CSTPP1: variants seen among roughly 807,000 people sequenced by gnomAD.
The protein encoded by CSTPP1 is centriolar satellite-associated tubulin polyglutamylase complex regulator 1.
the CSTPP1 span, among the ~76,000 whole-genome samples, chr11:47,145,075 C>T: frequency 6.6e-6 from 1 of 150,540 alleles, no homozygotes. Context: ...GCAACCTCCG[C>T]CTCCCAGGTT....
the CSTPP1 span, among the ~76,000 whole-genome samples, chr11:47,026,908 C>T: frequency 1.3e-5 from 2 of 152,058 alleles, no homozygotes; most frequent in Admixed American, 1.3e-4. Context: ...AATGAAGTAG[C>T]TAAAATTATC....
the CSTPP1 span, among the ~76,000 whole-genome samples, chr11:47,070,524 C>A: frequency 1.4e-3 from 219 of 152,274 alleles, 2 homozygotes; most frequent in Middle Eastern, 0.01. Flanking sequence ...ACAAGCATTT[C>A]AGGTGATTCT....
the CSTPP1 span, among the ~76,000 whole-genome samples, chr11:46,978,624 G>T: frequency 6.6e-6 from 1 of 152,146 alleles, no homozygotes; most frequent in East Asian, 1.9e-4. Flanking sequence ...AGGCCTTTTT[G>T]TATCTATAAA....
the CSTPP1 span, among the ~76,000 whole-genome samples, chr11:47,135,042 G>A: frequency 6.6e-5 from 10 of 151,954 alleles, no homozygotes; most frequent in African/African-American, 2.2e-4. Context: ...TCAGGAGTTC[G>A]AGACTGCAGT....
At chr11:47,151,926 G>A in the CSTPP1 span, among the ~76,000 whole-genome samples, 2 of 151,942 alleles carry the variant, frequency 1.3e-5, no homozygotes, top group Non-Finnish European at 2.9e-5. Context: ...AGACCCACCC[G>A]TAGGACTGTT....
At chr11:47,014,481 G>A in the CSTPP1 span, among the ~76,000 whole-genome samples, 1 of 151,810 alleles carries the variant, frequency 6.6e-6, no homozygotes, top group African/African-American at 2.4e-5. Context: ...GTGGATCACC[G>A]ATCACCTAAG....
At chr11:46,987,127 A>G in the CSTPP1 span, 5 of 1,376,938 alleles carry the variant, frequency 3.6e-6, no homozygotes, top group Non-Finnish European at 4.1e-6. Flanking sequence ...TGCCTTACAC[A>G]TGACCTCCTA....
the CSTPP1 span, among the ~76,000 whole-genome samples, chr11:47,000,976 C>T: frequency 2.6e-5 from 4 of 152,240 alleles, no homozygotes; most frequent in Middle Eastern, 3.4e-3. Context: ...TAGCTGGTAA[C>T]TGTAACAAGA....
chr11:47,159,381 G>A, the CSTPP1 span, among the ~76,000 whole-genome samples: 5 of 152,054 alleles, frequency 3.3e-5, no homozygotes, highest in Admixed American at 6.5e-5. Context: ...ATAGTGGCCC[G>A]CACCTGTAAT....
chr11:47,134,382 G>A, the CSTPP1 span, among the ~76,000 whole-genome samples: 1 of 152,162 alleles, frequency 6.6e-6, no homozygotes, highest in South Asian at 2.1e-4. Context: ...GTAAAGATGG[G>A]TTTTTGCCAC....
the CSTPP1 span, chr11:47,161,908 C>T: frequency 4.8e-6 from 6 of 1,237,840 alleles, no homozygotes; most frequent in Non-Finnish European, 6.1e-6. Flanking sequence ...CCTTGTCACG[C>T]CGTAGCCTGT....
At chr11:47,113,131 G>A in the CSTPP1 span, among the ~76,000 whole-genome samples, 2 of 152,134 alleles carry the variant, frequency 1.3e-5, no homozygotes, top group African/African-American at 2.4e-5. Context: ...GAGAATGATG[G>A]TTTCTAGCTT....
the CSTPP1 span, among the ~76,000 whole-genome samples, chr11:47,092,133 G>A: frequency 6.6e-6 from 1 of 152,158 alleles, no homozygotes; most frequent in African/African-American, 2.4e-5. Context: ...CAACTGTAGA[G>A]TGTGTAAATA....
chr11:47,051,940 C>T, the CSTPP1 span: 1 of 152,406 alleles, frequency 6.6e-6, no homozygotes. Flanking sequence ...GATCCACCCG[C>T]CTTGGCCTCC....
the CSTPP1 span, among the ~76,000 whole-genome samples, chr11:47,021,739 A>G: frequency 3.3e-5 from 5 of 152,204 alleles, no homozygotes; most frequent in African/African-American, 1.2e-4. Flanking sequence ...CTAGAATAAA[A>G]GAGATCTGGG....
chr11:46,987,080 C>T, the CSTPP1 span: 4 of 811,290 alleles, frequency 4.9e-6, no homozygotes, highest in South Asian at 3.1e-5. Flanking sequence ...TTCCAGTCCA[C>T]TGATGAAGTG....
chr11:47,148,381 C>T, the CSTPP1 span, among the ~76,000 whole-genome samples: 1 of 151,988 alleles, frequency 6.6e-6, no homozygotes, highest in Non-Finnish European at 1.5e-5. Flanking sequence ...CCATGACTGA[C>T]ACCTTGACTT....
chr11:47,045,627 T>A, the CSTPP1 span, among the ~76,000 whole-genome samples: 1 of 152,156 alleles, frequency 6.6e-6, no homozygotes, highest in Non-Finnish European at 1.5e-5. Context: ...ATGGATCTTA[T>A]TAAAGGATTA....
the CSTPP1 span, among the ~76,000 whole-genome samples, chr11:46,965,454 A>C: frequency 2.4e-3 from 367 of 152,138 alleles, 1 homozygote; most frequent in African/African-American, 8.1e-3. Context: ...TGAACTCCTG[A>C]CCTAAAGTGA....
Sources: gnomAD v4.1 joint callset for allele counts (sites outside exome capture counted in the v4.1 genomes callset) on GRCh38, gnomAD v4.1.1 for gene constraint, MANE v1.5 for transcripts, NCBI Gene and HGNC (gene_info 2026-07-23, HGNC 2026-07-21) for gene names.